SERPINI2: variants seen among roughly 807,000 people sequenced by gnomAD.
SERPINI2 encodes serpin family I member 2, also known as serpin I2.
In SERPINI2, 48 loss-of-function variants were observed where a neutral mutation model predicts 47.3. The ratio of observed to expected loss-of-function variants is 1.02; its 90% CI spans 0.81 to 1.29. The LOEUF (loss-of-function observed/expected upper bound fraction) is 1.29, where lower values mean the gene tolerates loss of function less well. SERPINI2 is among the 50% of genes most tolerant of loss of function. The pLI is 0.00. For synonymous variants in SERPINI2, 135 were observed against 149.3 expected (o/e 0.90, Z 0.70); for missense variants, 448 against 456.9 (o/e 0.98, Z 0.18).
intron 6 of SERPINI2, among the ~76,000 whole-genome samples, chr3:167,450,395 C>G (rs1321780307): frequency 6.6e-6 from 1 of 152,082 alleles, no homozygotes. Context: ...ATAGTCTCCT[C>G]AAGAAGGAAG....
chr3:167,443,827 T>G (rs1227620497), intron 8 of SERPINI2, among the ~76,000 whole-genome samples: 1 of 152,176 alleles, frequency 6.6e-6, no homozygotes, highest in Admixed American at 6.5e-5. Context: ...CCATCATCAA[T>G]CTACTTACTA....
At chr3:167,455,472 C>A (rs935769906) in intron 5 of SERPINI2, among the ~76,000 whole-genome samples, 2 of 151,728 alleles carry the variant, frequency 1.3e-5, no homozygotes, top group African/African-American at 4.8e-5. Flanking sequence ...GAAAAAAAGT[C>A]TTGGATCAAT....
At chr3:167,469,517 A>G (rs1199338133) in intron 2 of SERPINI2, 2 of 152,176 alleles carry the variant, frequency 1.3e-5, no homozygotes, top group Non-Finnish European at 2.9e-5. Context: ...ACTTGTGCCA[A>G]ATCACAAGGT....
At chr3:167,468,250 A>G (rs376855695) in intron 2 of SERPINI2, among the ~76,000 whole-genome samples, 7 of 152,142 alleles carry the variant, frequency 4.6e-5, no homozygotes, top group African/African-American at 1.7e-4. Flanking sequence ...TCTTTATTCA[A>G]GAAAACCGGG....
At chr3:167,453,407 G>T (rs1749695843) in intron 5 of SERPINI2, among the ~76,000 whole-genome samples, 1 of 152,144 alleles carries the variant, frequency 6.6e-6, no homozygotes, top group African/African-American at 2.4e-5. Context: ...CATCAAAGAT[G>T]GTTCCTGGCA....
intron 6 of SERPINI2, among the ~76,000 whole-genome samples, chr3:167,450,313 G>T (rs1386755282): frequency 6.6e-6 from 1 of 152,160 alleles, no homozygotes; most frequent in African/African-American, 2.4e-5. Context: ...AGCTGAGAGT[G>T]AATGCTCCTT....
At chr3:167,444,823 T>C (rs1174653250) in intron 8 of SERPINI2, among the ~76,000 whole-genome samples, 1 of 152,184 alleles carries the variant, frequency 6.6e-6, no homozygotes, top group South Asian at 2.1e-4. Context: ...TTTTGGGTTT[T>C]GAACTTTTGC....
chr3:167,449,312 C>T lies in SERPINI2; in HGVS notation c.1051+4G>A, dbSNP rs6803996. 397,720 of 1,597,438 alleles carry T rather than the reference C, an allele frequency of 0.25. 53,308 individuals carry two copies. The highest frequency in any genetic ancestry group is 0.3 in the South Asian group (27,315 of 90,586). ...CTAGCTTGGCCAGAAATCATTCACCCTACCAGTTGATGTTGCAGCTTCACT... is the reference window on the plus strand; with the variant it reads ...CTAGCTTGGCCAGAAATCATTCACCTTACCAGTTGATGTTGCAGCTTCACT... On this transcript the variant is annotated splice_donor_region_variant and intron_variant, in intron 7 of 8. Transcript: ENST00000264677.
At chr3:167,465,767 CAGATCAG>C in intron 3 of SERPINI2, 94 bp from the exon 4 acceptor site, 4 of 1,102,658 alleles carry the variant, frequency 3.6e-6, no homozygotes, top group Non-Finnish European at 5.1e-6. Context: ...GTGTCTTTTG[CAGATCAG>C]TTTTGGATAG....
At chr3:167,459,443 T>G (rs1020687900) in intron 5 of SERPINI2, among the ~76,000 whole-genome samples, 1 of 152,152 alleles carries the variant, frequency 6.6e-6, no homozygotes, top group Non-Finnish European at 1.5e-5. Flanking sequence ...AATATGATTA[T>G]TTTAGCTAAC....
chr3:167,459,078 G>GTTTGTTTGTTTTTTTTTTT (rs1560233541), intron 5 of SERPINI2, among the ~76,000 whole-genome samples: 14 of 139,026 alleles, frequency 1.0e-4, no homozygotes, highest in African/African-American at 3.5e-4. Flanking sequence ...GTTTTTTTTT[G>GTTTGTTTGTTTTTTTTTTT]TTTTTTTTTT....
At position 167,453,303 on chromosome 3, in the gene SERPINI2, G is replaced by A. The variant is rs185594128; in HGVS notation, c.867-270C>T. 9.0e-4 allele frequency among the ~76,000 whole-genome samples: 137 copies of A among 151,894 alleles called. 2 individuals are homozygous for A. Among genetic ancestry groups the A allele is most frequent in the Admixed American group, 7.1e-3 (109 of 15,264 alleles). ...AAGTAACAATTACCCAACAAAACTC[G>A]GTGAGAATTCTAAGTTCTATCTAAG... On this transcript the variant is annotated intron_variant, in intron 5 of 8. Coordinates refer to ENST00000264677, the Ensembl canonical transcript of SERPINI2.
upstream of SERPINI2, among the ~76,000 whole-genome samples, chr3:167,475,726 G>T (rs952667745): frequency 1.3e-5 from 2 of 149,634 alleles, no homozygotes; most frequent in Non-Finnish European, 3.0e-5. Context: ...AGAAAATCGG[G>T]GTGGGGGGAG....
intron 8 of SERPINI2, among the ~76,000 whole-genome samples, chr3:167,442,443 T>C (rs954428343): frequency 3.3e-5 from 5 of 152,166 alleles, no homozygotes; most frequent in South Asian, 2.1e-4. Flanking sequence ...CTGTTTTTCA[T>C]AGAGGGAAAC....
chr3:167,455,716 C>G (rs1422274871), intron 5 of SERPINI2, among the ~76,000 whole-genome samples: 2 of 152,034 alleles, frequency 1.3e-5, no homozygotes, highest in Non-Finnish European at 2.9e-5. Context: ...GAGCATGATG[C>G]TGGCATTTGT....
intron 3 of SERPINI2, among the ~76,000 whole-genome samples, chr3:167,466,631 T>C (rs1750140998): frequency 1.3e-5 from 2 of 152,144 alleles, no homozygotes; most frequent in Admixed American, 6.6e-5. Flanking sequence ...AATATTAACA[T>C]TTATTATTAA....
chr3:167,461,310 G>T (rs1198180518), intron 5 of SERPINI2, among the ~76,000 whole-genome samples: 3 of 152,192 alleles, frequency 2.0e-5, no homozygotes, highest in Non-Finnish European at 2.9e-5. Flanking sequence ...GCTATGAATA[G>T]AAGTATGTAA....
chr3:167,465,604 A>C, exon 4 of SERPINI2: 1 of 1,613,752 alleles, frequency 6.2e-7, no homozygotes, highest in Middle Eastern at 1.6e-4. Flanking sequence ...TTTGAAATAA[A>C]TAGCATTCAC....
chr3:167,449,339 C>A (rs1426982717), exon 7 of SERPINI2: 6 of 1,612,962 alleles, frequency 3.7e-6, no homozygotes, highest in Non-Finnish European at 5.1e-6. Context: ...AGCTTCACTA[C>A]CATCTTCATT....
Sources: allele counts gnomAD v4.1 joint callset (sites outside exome capture counted in the v4.1 genomes callset), GRCh38; gene constraint gnomAD v4.1.1; transcripts MANE v1.5; gene names NCBI Gene and HGNC (gene_info 2026-07-23, HGNC 2026-07-21).